Variants in LHFPL6 observed in about 807,000 individuals in gnomAD.
LHFPL6 encodes the protein LHFPL tetraspan subfamily member 6.
Under a neutral mutation model 20.6 loss-of-function variants are expected in LHFPL6, and 9 were observed. The observed-to-expected ratio is 0.44, with a 90% CI of 0.26 to 0.76. The LOEUF (loss-of-function observed/expected upper bound fraction) is 0.76, where lower values mean the gene tolerates loss of function less well. Among genes scored for constraint, LHFPL6 ranks in the 30% least tolerant of loss-of-function variants. The pLI, the probability that LHFPL6 is intolerant of heterozygous loss-of-function variation, is 0.20. For missense variants in LHFPL6, 218 were observed against 253.5 expected (o/e 0.86, Z 0.95); for synonymous variants, 105 against 98.7 (o/e 1.06, Z -0.38).
At chr13:39,495,352 T>C (rs1382722668) in intron 2 of LHFPL6, among the ~76,000 whole-genome samples, 2 of 152,220 alleles carry the variant, frequency 1.3e-5, no homozygotes, top group African/African-American at 2.4e-5. Context: ...TTTCATTTAA[T>C]AGGATTCAGT....
At position 39,593,923 on chromosome 13, in the gene LHFPL6, C is replaced by G. The variant is rs550661716; in HGVS notation, c.385+6909G>C. ...AGACTGGCTAGCCATATGTAAAAAG[C>G]TGAAACTGGATCCCTTCCTTACACC... On this transcript the variant is annotated intron_variant, in intron 2 of 3. Transcript: ENST00000379589. 3.9e-5 allele frequency among the ~76,000 whole-genome samples: 6 copies of G among 152,250 alleles called. No homozygotes were observed. The East Asian group carries it at 1.2e-3, about 29-fold the overall frequency.
intron 2 of LHFPL6, among the ~76,000 whole-genome samples, chr13:39,400,257 C>T (rs1248002357): frequency 6.6e-6 from 1 of 152,152 alleles, no homozygotes; most frequent in Non-Finnish European, 1.5e-5. Flanking sequence ...GCTGTTGATA[C>T]TAACTTGGAA....
At chr13:39,376,307 T>C (rs2138357801) in intron 3 of LHFPL6, among the ~76,000 whole-genome samples, 1 of 152,250 alleles carries the variant, frequency 6.6e-6, no homozygotes, top group Non-Finnish European at 1.5e-5. Context: ...CAGTTTGCTT[T>C]CCAAAAAAAA....
At chr13:39,490,489 C>T (rs1346212739) in intron 2 of LHFPL6, among the ~76,000 whole-genome samples, 1 of 152,208 alleles carries the variant, frequency 6.6e-6, no homozygotes, top group Non-Finnish European at 1.5e-5. Flanking sequence ...TCTGTGTTAA[C>T]TCCATCTCCA....
chr13:39,345,229 G>A (rs371444310), intron 3 of LHFPL6, among the ~76,000 whole-genome samples: 14 of 152,096 alleles, frequency 9.2e-5, no homozygotes, highest in African/African-American at 3.1e-4. Flanking sequence ...TGAAAATCAC[G>A]GGGCTGGGCG....
At chr13:39,429,703 C>A (rs1871737418) in intron 2 of LHFPL6, among the ~76,000 whole-genome samples, 1 of 152,098 alleles carries the variant, frequency 6.6e-6, no homozygotes, top group Admixed American at 6.5e-5. Flanking sequence ...GAATTATATA[C>A]ACTCACAGTC....
chr13:39,487,282 C>T (rs1043460513), intron 2 of LHFPL6, among the ~76,000 whole-genome samples: 2 of 152,218 alleles, frequency 1.3e-5, no homozygotes, highest in Middle Eastern at 3.4e-3. Context: ...CTTCAATTCC[C>T]AAAATTTTAT....
intron 2 of LHFPL6, among the ~76,000 whole-genome samples, chr13:39,383,571 C>T (rs530672631): frequency 1.2e-4 from 18 of 152,272 alleles, no homozygotes; most frequent in African/African-American, 4.3e-4. Flanking sequence ...GATGGCTGTG[C>T]TAGATATAAG....
At chr13:39,564,799 T>C (rs1593365812) in intron 2 of LHFPL6, among the ~76,000 whole-genome samples, 1 of 152,236 alleles carries the variant, frequency 6.6e-6, no homozygotes, top group Non-Finnish European at 1.5e-5. Flanking sequence ...GCCAATGAGC[T>C]ATGTTCTTCT....
chr13:39,584,598 C>T (rs894662047), intron 2 of LHFPL6, among the ~76,000 whole-genome samples: 2 of 150,760 alleles, frequency 1.3e-5, no homozygotes, highest in Non-Finnish European at 2.9e-5. Flanking sequence ...GGGTAACTTC[C>T]TTTAAGACTA....
intron 2 of LHFPL6, among the ~76,000 whole-genome samples, chr13:39,502,463 T>A (rs1869324493): frequency 1.4e-5 from 2 of 143,658 alleles, no homozygotes; most frequent in Non-Finnish European, 1.5e-5. Flanking sequence ...TACAAAAAAT[T>A]AAAAAAAAAA....
chr13:39,507,889 C>CCCTT lies in LHFPL6; in HGVS notation c.385+92939_385+92942dup, dbSNP rs142738046. Among the ~76,000 whole-genome samples the CCCTT allele has an allele frequency of 1.1e-3, 163 of 143,614 alleles. 1 individual carries two copies. The highest frequency in any genetic ancestry group is 4.0e-3 in the African/African-American group (154 of 38,564). 94.2% of individuals were successfully genotyped at this position (143,614 alleles called of 152,430 possible). A position where few individuals can be genotyped will look rare whatever the true frequency, so the allele number is the denominator to read the frequency against. On this transcript the variant is annotated intron_variant, in intron 2 of 3. Transcript: ENST00000379589. ...GTCCAGGCTTTATCTTGCCTCCCCTCCCTTCCTTCCTTCCTCCCTTCTTTC... is the reference window on the plus strand; with the variant it reads ...GTCCAGGCTTTATCTTGCCTCCCCTCCCTTCCTTCCTTCCTTCCTCCCTTCTTTC...
At chr13:39,436,372 C>T (rs1239816387) in intron 2 of LHFPL6, among the ~76,000 whole-genome samples, 3 of 152,248 alleles carry the variant, frequency 2.0e-5, no homozygotes, top group Non-Finnish European at 2.9e-5. Context: ...TTTAAATGAG[C>T]ATAGCTTGCT....
intron 2 of LHFPL6, among the ~76,000 whole-genome samples, chr13:39,465,611 G>A (rs1358787987): frequency 1.3e-5 from 2 of 152,136 alleles, no homozygotes; most frequent in Non-Finnish European, 2.9e-5. Flanking sequence ...TATAAGTAGG[G>A]CTGCTTGTCT....
At chr13:39,545,225 G>A (rs1349805154) in intron 2 of LHFPL6, among the ~76,000 whole-genome samples, 3 of 126,440 alleles carry the variant, frequency 2.4e-5, no homozygotes, top group Non-Finnish European at 4.7e-5. Context: ...CAGCCTGGGT[G>A]ACAGAGCGAG....
chr13:39,417,148 C>T (rs1463434505), intron 2 of LHFPL6, among the ~76,000 whole-genome samples: 1 of 152,182 alleles, frequency 6.6e-6, no homozygotes, highest in African/African-American at 2.4e-5. Flanking sequence ...CTTTTCTCTT[C>T]TTTGGAATCA....
rs553592675 is a variant in LHFPL6, at chr13:39,482,398, G to A, written c.386-103872C>T. Among the ~76,000 whole-genome samples, 33 of 151,586 alleles carry A rather than the reference G, an allele frequency of 2.2e-4. 1 individual carries two copies. In the South Asian group the frequency reaches 6.0e-3, roughly 28 times the overall value. The stretch of plus-strand genomic sequence containing the variant: ...GTGGAGGTTGTGGTGAGCCAAGATC[G>A]TGCCACTGCACTCAAGCCTGGGCTA... On this transcript the variant is annotated intron_variant, in intron 2 of 3. Transcript: ENST00000379589.
intron 3 of LHFPL6, among the ~76,000 whole-genome samples, chr13:39,345,904 C>T (rs1017677377): frequency 6.6e-6 from 1 of 152,132 alleles, no homozygotes; most frequent in Non-Finnish European, 1.5e-5. Context: ...GTTTGTACGT[C>T]CCTATCAAAT....
intron 2 of LHFPL6, among the ~76,000 whole-genome samples, chr13:39,400,775 T>G (rs558438068): frequency 1.4e-5 from 1 of 72,398 alleles, no homozygotes; most frequent in Admixed American, 2.7e-4. Context: ...AGAGCGAGAC[T>G]CCGTCTCAAA....
Sources: allele counts gnomAD v4.1 joint callset (sites outside exome capture counted in the v4.1 genomes callset), GRCh38; gene constraint gnomAD v4.1.1; transcripts MANE v1.5; gene names NCBI Gene and HGNC (gene_info 2026-07-23, HGNC 2026-07-21).